Variants in ARHGAP26 observed in about 807,000 individuals in gnomAD.
The protein encoded by ARHGAP26 is rho GTPase-activating protein 26.
A neutral mutation model predicts 104.8 loss-of-function variants in ARHGAP26; 38 were observed. That is an observed-to-expected ratio of 0.36 (90% confidence interval 0.28 to 0.48). The LOEUF is 0.48. Ranked by LOEUF, ARHGAP26 falls within the 20% of genes least tolerant of loss-of-function variation. ARHGAP26 has a pLI of 0.99. For synonymous variants in ARHGAP26, 341 were observed against 340.0 expected, an observed-to-expected ratio of 1.00 and a Z score of -0.03; for missense variants, 704 against 947.9, an observed-to-expected ratio of 0.74 and a Z score of 3.38.
chr5:142,942,332 A>G (rs1766478840), intron 11 of ARHGAP26, among the ~76,000 whole-genome samples: 1 of 152,256 alleles, frequency 6.6e-6, no homozygotes, highest in African/African-American at 2.4e-5. Flanking sequence ...AAAATAAAAT[A>G]CATGGTTACA....
chr5:142,777,451 G>C (rs375408047), intron 1 of ARHGAP26, among the ~76,000 whole-genome samples: 1 of 152,318 alleles, frequency 6.6e-6, no homozygotes, highest in Admixed American at 6.5e-5. Context: ...AGTTGTAAAG[G>C]GGACTTTGTT....
At chr5:143,124,342 T>G (rs142577757) in intron 18 of ARHGAP26, among the ~76,000 whole-genome samples, 1,667 of 152,346 alleles carry the variant, frequency 0.011, 31 homozygotes, top group Non-Finnish European at 0.012. Context: ...CATGAGATGT[T>G]TTAATTTTCT....
intron 12 of ARHGAP26, among the ~76,000 whole-genome samples, chr5:143,032,851 G>T (rs1040484619): frequency 2.0e-5 from 3 of 152,216 alleles, no homozygotes; most frequent in Non-Finnish European, 4.4e-5. Flanking sequence ...GCACATGTGT[G>T]TGTGTGAAAA....
At chr5:142,879,635 T>C (rs1366526899) in intron 4 of ARHGAP26, among the ~76,000 whole-genome samples, 190 bp downstream of exon 4, 1 of 152,234 alleles carries the variant, frequency 6.6e-6, no homozygotes, top group Non-Finnish European at 1.5e-5. Context: ...AGTACGACCA[T>C]CTGAGCCGTC....
At chr5:143,100,807 G>A (rs1004576028) in intron 17 of ARHGAP26, among the ~76,000 whole-genome samples, 2 of 152,156 alleles carry the variant, frequency 1.3e-5, no homozygotes, top group Non-Finnish European at 2.9e-5. Flanking sequence ...GACTCAAATA[G>A]AGGCCATGCA....
chr5:142,958,517 A>G (rs555940979), intron 11 of ARHGAP26, among the ~76,000 whole-genome samples: 1 of 152,148 alleles, frequency 6.6e-6, no homozygotes, highest in African/African-American at 2.4e-5. Flanking sequence ...ATATAAAACA[A>G]ATTAGCTGGT....
intron 22 of ARHGAP26, among the ~76,000 whole-genome samples, chr5:143,221,583 G>A (rs573097582): frequency 2.0e-5 from 3 of 152,198 alleles, no homozygotes; most frequent in Admixed American, 6.5e-5. Flanking sequence ...GTGCAATCAC[G>A]GCTCACTGCA....
At chr5:142,997,223 C>T (rs1469511010) in intron 11 of ARHGAP26, among the ~76,000 whole-genome samples, 1 of 152,060 alleles carries the variant, frequency 6.6e-6, no homozygotes, top group Non-Finnish European at 1.5e-5. Context: ...CATCTACTCA[C>T]CAAAATTTAT....
intron 11 of ARHGAP26, chr5:142,947,095 T>TAAAAAAAAAAAAAAAAAAAA (rs1162871899): frequency 1.4e-5 from 1 of 70,684 alleles, no homozygotes; most frequent in African/African-American, 5.0e-5. Context: ...TTTTTAAAAG[T>TAAAAAAAAAAAAAAAAAAAA]AAAAAAAAAA....
intron 18 of ARHGAP26, among the ~76,000 whole-genome samples, chr5:143,127,222 G>C (rs1796823344): frequency 6.6e-6 from 1 of 152,084 alleles, no homozygotes; most frequent in South Asian, 2.1e-4. Context: ...GTGTCCCCTT[G>C]CTATTAAATT....
At chr5:143,065,976 G>A (rs1787419280) in intron 17 of ARHGAP26, among the ~76,000 whole-genome samples, 1 of 152,106 alleles carries the variant, frequency 6.6e-6, no homozygotes, top group African/African-American at 2.4e-5. Flanking sequence ...TCTCTTCTCC[G>A]CCTCATTCCC....
chr5:143,099,192 A>G (rs1247394459), intron 17 of ARHGAP26, among the ~76,000 whole-genome samples: 1 of 152,248 alleles, frequency 6.6e-6, no homozygotes, highest in Non-Finnish European at 1.5e-5. Flanking sequence ...CTATCTTTGC[A>G]GAAGCTGAGT....
chr5:143,145,564 C>T (rs1000037132), intron 19 of ARHGAP26, among the ~76,000 whole-genome samples: 3 of 152,176 alleles, frequency 2.0e-5, no homozygotes, highest in Non-Finnish European at 1.5e-5. Context: ...GTAATCTTAG[C>T]GTTGTTTTTC....
intron 1 of ARHGAP26, among the ~76,000 whole-genome samples, chr5:142,857,560 AG>A (rs1475555537): frequency 1.3e-5 from 2 of 152,152 alleles, no homozygotes; most frequent in African/African-American, 4.8e-5. Context: ...GAAGCATGTC[AG>A]GGTTTCTTTC....
intron 11 of ARHGAP26, among the ~76,000 whole-genome samples, chr5:142,974,320 A>G (rs1171710656): frequency 3.3e-5 from 5 of 151,872 alleles, no homozygotes; most frequent in African/African-American, 1.2e-4. Context: ...ACCATCAGGC[A>G]GGAAGGGCTC....
intron 10 of ARHGAP26, among the ~76,000 whole-genome samples, chr5:142,924,006 C>T (rs1047465186): frequency 2.6e-5 from 4 of 151,858 alleles, no homozygotes; most frequent in Admixed American, 6.6e-5. Flanking sequence ...GGACTACAGG[C>T]GCCTGCCACC....
intron 1 of ARHGAP26, among the ~76,000 whole-genome samples, chr5:142,827,680 C>G (rs1767564100): frequency 6.6e-6 from 1 of 152,182 alleles, no homozygotes; most frequent in African/African-American, 2.4e-5. Flanking sequence ...ATGTGGGAGT[C>G]TGTTCCTGGC....
chr5:142,824,728 T>C (rs911500745), intron 1 of ARHGAP26, among the ~76,000 whole-genome samples: 3 of 151,932 alleles, frequency 2.0e-5, no homozygotes, highest in African/African-American at 7.3e-5. Context: ...TAAGAACATA[T>C]AGGGAATGAG....
intron 21 of ARHGAP26, among the ~76,000 whole-genome samples, chr5:143,209,889 C>A (rs926665212): frequency 1.3e-5 from 2 of 151,980 alleles, no homozygotes; most frequent in Admixed American, 1.3e-4. Flanking sequence ...CAGAGAGGGC[C>A]GAAACCTGTA....
Sources: gnomAD v4.1 joint callset for allele counts (sites outside exome capture counted in the v4.1 genomes callset) on GRCh38, gnomAD v4.1.1 for gene constraint, MANE v1.5 for transcripts, NCBI Gene and HGNC (gene_info 2026-07-23, HGNC 2026-07-21) for gene names.